The following SNTG1 variants were observed in gnomAD, a reference collection of about 807,000 sequenced individuals.
SNTG1 encodes the protein syntrophin gamma 1.
SNTG1 carries 39 observed loss-of-function variants against 74.7 expected under a neutral mutation model. That is an observed-to-expected ratio of 0.52 (90% CI 0.40 to 0.68). SNTG1 has a LOEUF of 0.68. Among genes scored for constraint, SNTG1 ranks in the 30% least tolerant of loss-of-function variants. The pLI, the probability that SNTG1 is intolerant of heterozygous loss-of-function variation, is 0.00. For missense variants in SNTG1, 685 were observed against 609.5 expected, an observed-to-expected ratio of 1.12 and a Z score of -1.30; for synonymous variants, 254 against 217.1, an observed-to-expected ratio of 1.17 and a Z score of -1.49.
At chr8:49,918,502 C>A (rs573237433) in intron 1 of SNTG1, among the ~76,000 whole-genome samples, 1 of 152,266 alleles carries the variant, frequency 6.6e-6, no homozygotes, top group African/African-American at 2.4e-5. Context: ...TGTGCCTACT[C>A]ATATGTGTAA....
chr8:50,072,759 G>A (rs1288968705), intron 1 of SNTG1, among the ~76,000 whole-genome samples: 1 of 152,138 alleles, frequency 6.6e-6, no homozygotes, highest in Non-Finnish European at 1.5e-5. Flanking sequence ...CATGGGTTCA[G>A]TTCTAGACCA....
At chr8:50,634,437 G>T (rs565053197) in intron 13 of SNTG1, among the ~76,000 whole-genome samples, 1 of 152,086 alleles carries the variant, frequency 6.6e-6, no homozygotes, top group South Asian at 2.1e-4. Context: ...CTTTTCAAAC[G>T]TGATTTTTCA....
intron 13 of SNTG1, among the ~76,000 whole-genome samples, chr8:50,602,564 T>C (rs1365535056): frequency 1.3e-5 from 2 of 152,166 alleles, no homozygotes; most frequent in Non-Finnish European, 2.9e-5. Context: ...TTATAATAGT[T>C]TGTGTTTTTC....
intron 1 of SNTG1, among the ~76,000 whole-genome samples, chr8:50,011,293 T>G (rs1457704094): frequency 5.9e-5 from 9 of 152,152 alleles, no homozygotes; most frequent in Admixed American, 3.9e-4. Flanking sequence ...AATAAAATTT[T>G]AAAATACCCC....
intron 1 of SNTG1, among the ~76,000 whole-genome samples, chr8:50,158,044 CAA>C (rs2131579933): frequency 6.6e-6 from 1 of 152,234 alleles, no homozygotes; most frequent in East Asian, 1.9e-4. Context: ...ATCACTCTCC[CAA>C]GTGACATTGT....
intron 2 of SNTG1, among the ~76,000 whole-genome samples, chr8:50,380,538 A>G (rs570363116): frequency 3.3e-5 from 5 of 152,362 alleles, no homozygotes; most frequent in African/African-American, 1.2e-4. Context: ...GTAAAGCATT[A>G]TGGAAATTAT....
chr8:50,163,923 G>A (rs1179152895), intron 1 of SNTG1: 1 of 152,066 alleles, frequency 6.6e-6, no homozygotes, highest in Non-Finnish European at 1.5e-5. Flanking sequence ...ACCTTTTCAA[G>A]ATAATGACTA....
chr8:49,974,236 T>A (rs976720289), intron 1 of SNTG1, among the ~76,000 whole-genome samples: 33 of 152,316 alleles, frequency 2.2e-4, no homozygotes, highest in Admixed American at 1.2e-3. Flanking sequence ...AGAGTTTTAA[T>A]CTTTTCCAAA....
In SNTG1 at chr8:50,323,107, GAAA is replaced by G. The variant is rs77989339; in HGVS notation, c.-27-71091_-27-71089del. On this transcript the variant is annotated intron_variant, in intron 2 of 18. Coordinates refer to ENST00000642720, the MANE Select transcript of SNTG1 (RefSeq NM_018967.5). The stretch of plus-strand genomic sequence containing the variant: ...TGGGCAACAGAGCAAGACTTGTCTG[GAAA>G]AAAAAAAAAAAAAGATACTCTGATA... Among the ~76,000 whole-genome samples the G allele has an allele frequency of 3.9e-4, 26 of 66,064 alleles. 1 individual carries two copies. The highest frequency in any genetic ancestry group is 1.1e-3 in the South Asian group (2 of 1,782). The allele number at this position is 66,064 out of a possible 152,430, so 43.3% of individuals were successfully genotyped here.
At chr8:50,433,358 G>C (rs1021783385) in intron 4 of SNTG1, among the ~76,000 whole-genome samples, 13 of 151,994 alleles carry the variant, frequency 8.6e-5, no homozygotes, top group African/African-American at 2.7e-4. Context: ...CACTGCGCTA[G>C]CTAGAACATC....
At chr8:50,593,875 G>A (rs1265808738) in intron 13 of SNTG1, among the ~76,000 whole-genome samples, 1 of 151,774 alleles carries the variant, frequency 6.6e-6, no homozygotes, top group Non-Finnish European at 1.5e-5. Context: ...GCACCACCAC[G>A]CCTGGATAAT....
intron 4 of SNTG1, among the ~76,000 whole-genome samples, chr8:50,425,710 A>G (rs2093155357): frequency 1.3e-5 from 2 of 152,192 alleles, no homozygotes; most frequent in South Asian, 2.1e-4. Context: ...TTTAACATAC[A>G]TACCTTACTT....
At chr8:50,260,256 A>T (rs1483451228) in intron 2 of SNTG1, among the ~76,000 whole-genome samples, 1 of 152,188 alleles carries the variant, frequency 6.6e-6, no homozygotes, top group East Asian at 1.9e-4. Flanking sequence ...AACAATACTC[A>T]ACTGCAACCC....
chr8:50,154,765 C>G (rs2082199425), intron 1 of SNTG1, among the ~76,000 whole-genome samples: 1 of 152,122 alleles, frequency 6.6e-6, no homozygotes, highest in Admixed American at 6.6e-5. Flanking sequence ...AACAAAACAC[C>G]TGAACAAAAT....
chr8:49,968,187 A>G, intron 1 of SNTG1, among the ~76,000 whole-genome samples: 1 of 152,132 alleles, frequency 6.6e-6, no homozygotes, highest in East Asian at 1.9e-4. Flanking sequence ...TGTTCTTCCA[A>G]TTTCTTTGTG....
At chr8:49,915,950 T>C (rs1240238257) in intron 1 of SNTG1, among the ~76,000 whole-genome samples, 1 of 152,192 alleles carries the variant, frequency 6.6e-6, no homozygotes, top group Non-Finnish European at 1.5e-5. Flanking sequence ...TATTTGCTTT[T>C]CTTAGTCGGG....
At chr8:49,960,847 G>A (rs1228146332) in intron 1 of SNTG1, among the ~76,000 whole-genome samples, 1 of 152,136 alleles carries the variant, frequency 6.6e-6, no homozygotes, top group Non-Finnish European at 1.5e-5. Flanking sequence ...TCTTTGGGAT[G>A]CAATGAGATA....
chr8:50,253,099 C>A (rs2086715138), intron 2 of SNTG1, among the ~76,000 whole-genome samples: 1 of 152,124 alleles, frequency 6.6e-6, no homozygotes, highest in East Asian at 1.9e-4. Context: ...TCCGTACAGC[C>A]ACTGTGAAAA....
At chr8:50,310,726 GT>G (rs1314555654) in intron 2 of SNTG1, among the ~76,000 whole-genome samples, 4 of 152,036 alleles carry the variant, frequency 2.6e-5, no homozygotes, top group Admixed American at 2.6e-4. Context: ...ATAAATAAAT[GT>G]AAGTATCCTT....
Sources: allele counts gnomAD v4.1 joint callset (sites outside exome capture counted in the v4.1 genomes callset), GRCh38; gene constraint gnomAD v4.1.1; transcripts MANE v1.5; gene names NCBI Gene and HGNC (gene_info 2026-07-23, HGNC 2026-07-21).